The following SCHIP1 variants were observed in gnomAD, a reference collection of about 807,000 sequenced individuals.
SCHIP1 encodes schwannomin interacting protein 1, also known as schwannomin-interacting protein 1.
SCHIP1 carries 8 observed loss-of-function variants against 29.7 expected under a neutral mutation model. The observed-to-expected ratio is 0.27, with a 90% CI of 0.16 to 0.49. The LOEUF (loss-of-function observed/expected upper bound fraction) is 0.49, where lower values mean the gene tolerates loss of function less well. SCHIP1 is among the 20% of genes least tolerant of loss of function. The pLI is 0.99. For synonymous variants in SCHIP1, 76 were observed against 94.9 expected (o/e 0.80, Z 1.16); for missense variants, 193 against 294.6 (o/e 0.66, Z 2.52).
chr3:159,454,043 A>G, the SCHIP1 span, among the ~76,000 whole-genome samples: 19 of 152,018 alleles, frequency 1.2e-4, no homozygotes, highest in Admixed American at 6.6e-5. Context: ...GCAGCCTGCA[A>G]CTCTCTGTTG....
chr3:159,840,046 A>G, exon 1 of SCHIP1: 1 of 1,482,124 alleles, frequency 6.7e-7, no homozygotes, highest in Non-Finnish European at 8.9e-7. Flanking sequence ...GATCAGCGAA[A>G]CAGCATCCAT....
the SCHIP1 span, among the ~76,000 whole-genome samples, chr3:159,552,449 C>CAA: frequency 4.0e-5 from 6 of 149,792 alleles, no homozygotes; most frequent in African/African-American, 1.5e-4. Flanking sequence ...AATGAATCGA[C>CAA]AAAAAAAAAT....
the SCHIP1 span, among the ~76,000 whole-genome samples, chr3:159,435,450 C>G: frequency 6.6e-6 from 1 of 152,102 alleles, no homozygotes; most frequent in Non-Finnish European, 1.5e-5. Context: ...ATATGGAATC[C>G]TGGAATCACT....
At chr3:159,504,643 A>G in the SCHIP1 span, among the ~76,000 whole-genome samples, 1 of 152,088 alleles carries the variant, frequency 6.6e-6, no homozygotes, top group African/African-American at 2.4e-5. Flanking sequence ...TCCTTTCCTG[A>G]GGGCTTAATT....
At chr3:159,508,201 G>A in the SCHIP1 span, among the ~76,000 whole-genome samples, 5 of 152,308 alleles carry the variant, frequency 3.3e-5, no homozygotes, top group South Asian at 1.0e-3. Flanking sequence ...TTGGGAGGGT[G>A]TATGTGTCGA....
At chr3:159,889,919 A>G (rs1182507154) in intron 5 of SCHIP1, among the ~76,000 whole-genome samples, 1 of 152,060 alleles carries the variant, frequency 6.6e-6, no homozygotes, top group Admixed American at 6.6e-5. Flanking sequence ...ACATGGTGAA[A>G]CCCCATCTCT....
the SCHIP1 span, among the ~76,000 whole-genome samples, chr3:159,486,572 T>A: frequency 6.6e-6 from 1 of 152,246 alleles, no homozygotes; most frequent in Non-Finnish European, 1.5e-5. Flanking sequence ...ACTTTTGAAG[T>A]CTCAGAATCA....
chr3:159,730,458 A>G, the SCHIP1 span, among the ~76,000 whole-genome samples: 1 of 152,202 alleles, frequency 6.6e-6, no homozygotes, highest in African/African-American at 2.4e-5. Flanking sequence ...AGCATGAGCT[A>G]TTATTATTAC....
At chr3:159,726,668 A>G in the SCHIP1 span, among the ~76,000 whole-genome samples, 1 of 152,316 alleles carries the variant, frequency 6.6e-6, no homozygotes, top group African/African-American at 2.4e-5. Flanking sequence ...CAAGTGAAAT[A>G]GCTTATGGGA....
the SCHIP1 span, among the ~76,000 whole-genome samples, chr3:159,506,058 A>G: frequency 1.2e-4 from 19 of 152,338 alleles, 1 homozygote; most frequent in East Asian, 2.9e-3. Context: ...GACTTCTACA[A>G]TGGTTGAACT....
chr3:159,843,731 G>A (rs962957452), intron 1 of SCHIP1, among the ~76,000 whole-genome samples: 1 of 149,178 alleles, frequency 6.7e-6, no homozygotes, highest in African/African-American at 2.5e-5. Context: ...GCTGATGCAG[G>A]AGAATGGTGT....
intron 1 of SCHIP1, among the ~76,000 whole-genome samples, chr3:159,852,427 T>A (rs577017946): frequency 2.2e-4 from 34 of 152,332 alleles, no homozygotes; most frequent in South Asian, 1.7e-3. Context: ...GTAAGCTGAT[T>A]CTGATGAGTG....
At chr3:159,459,298 ATT>A in the SCHIP1 span, among the ~76,000 whole-genome samples, 3 of 152,094 alleles carry the variant, frequency 2.0e-5, no homozygotes, top group South Asian at 6.2e-4. Context: ...AACTGCAGCC[ATT>A]TTAAGGTTAT....
At chr3:159,762,851 T>TAAGGAAGCA in the SCHIP1 span, among the ~76,000 whole-genome samples, 1 of 152,220 alleles carries the variant, frequency 6.6e-6, no homozygotes, top group Non-Finnish European at 1.5e-5. Flanking sequence ...CTGAAATATC[T>TAAGGAAGCA]AAGGAAGCAA....
the SCHIP1 span, among the ~76,000 whole-genome samples, chr3:159,383,051 G>A: frequency 8.7e-5 from 13 of 149,924 alleles, no homozygotes; most frequent in East Asian, 2.0e-4. Context: ...CTCCCATTTT[G>A]TAGGTTGCCT....
chr3:159,449,836 A>G, the SCHIP1 span, among the ~76,000 whole-genome samples: 1 of 152,074 alleles, frequency 6.6e-6, no homozygotes, highest in African/African-American at 2.4e-5. Context: ...TTGTCTGTGG[A>G]AGGGAAATGA....
chr3:159,619,120 G>C, the SCHIP1 span, among the ~76,000 whole-genome samples: 1 of 151,970 alleles, frequency 6.6e-6, no homozygotes, highest in Non-Finnish European at 1.5e-5. Context: ...AAAGAAGAAA[G>C]AAAATACAAA....
the SCHIP1 span, among the ~76,000 whole-genome samples, chr3:159,679,703 A>T: frequency 1.5e-3 from 235 of 152,232 alleles, 1 homozygote; most frequent in South Asian, 7.1e-3. Flanking sequence ...GCTCTGGAGA[A>T]GCTCTCCATG....
chr3:159,489,572 G>A, the SCHIP1 span, among the ~76,000 whole-genome samples: 9 of 152,240 alleles, frequency 5.9e-5, no homozygotes, highest in East Asian at 1.3e-3. Flanking sequence ...CAGCATTCGT[G>A]TCTAGTATAA....
Sources: gnomAD v4.1 joint callset for allele counts (sites outside exome capture counted in the v4.1 genomes callset) on GRCh38, gnomAD v4.1.1 for gene constraint, MANE v1.5 for transcripts, NCBI Gene and HGNC (gene_info 2026-07-23, HGNC 2026-07-21) for gene names.